The following MACROD2 variants were observed in gnomAD, a reference collection of about 807,000 sequenced individuals.
The protein encoded by MACROD2 is ADP-ribose glycohydrolase MACROD2.
MACROD2 carries 36 observed loss-of-function variants against 70.4 expected under a neutral mutation model. The observed-to-expected ratio is 0.51, with a 90% CI of 0.39 to 0.68. MACROD2 has a LOEUF of 0.68. Ranked by LOEUF, MACROD2 falls within the 30% of genes least tolerant of loss-of-function variation. The pLI is 0.00. For synonymous variants in MACROD2, 172 were observed against 178.8 expected, an observed-to-expected ratio of 0.96 and a Z score of 0.30; for missense variants, 496 against 538.4, an observed-to-expected ratio of 0.92 and a Z score of 0.78.
At chr20:14,227,385 C>T (rs1448945979) in intron 3 of MACROD2, among the ~76,000 whole-genome samples, 2 of 152,164 alleles carry the variant, frequency 1.3e-5, no homozygotes, top group African/African-American at 2.4e-5. Flanking sequence ...TCCACGCTAC[C>T]TTTATGAGAT....
chr20:15,732,377 G>A (rs1263991845), intron 8 of MACROD2, among the ~76,000 whole-genome samples: 1 of 152,110 alleles, frequency 6.6e-6, no homozygotes. Context: ...GTCACCTAGG[G>A]TTTCCTAGGA....
chr20:15,786,594 A>G (rs2051931247), intron 8 of MACROD2, among the ~76,000 whole-genome samples: 1 of 152,222 alleles, frequency 6.6e-6, no homozygotes, highest in Non-Finnish European at 1.5e-5. Context: ...TTTGAATAGA[A>G]AGTCAAATAA....
At chr20:14,545,236 T>C (rs1649667306) in intron 4 of MACROD2, among the ~76,000 whole-genome samples, 1 of 152,198 alleles carries the variant, frequency 6.6e-6, no homozygotes, top group Admixed American at 6.5e-5. Flanking sequence ...TGAATCATTT[T>C]ATTGGGCACA....
chr20:15,250,242 G>A (rs978320753), intron 6 of MACROD2, among the ~76,000 whole-genome samples: 2 of 152,172 alleles, frequency 1.3e-5, no homozygotes, highest in African/African-American at 2.4e-5. Context: ...ATGAGTCTCT[G>A]ATTAGTGTTT....
intron 2 of MACROD2, among the ~76,000 whole-genome samples, chr20:14,080,674 C>G (rs1165092249): frequency 7.6e-6 from 1 of 131,884 alleles, no homozygotes; most frequent in African/African-American, 2.5e-5. Flanking sequence ...TTATTAAATT[C>G]TAGTCCTGTT....
chr20:14,787,463 C>T (rs1017916081), intron 5 of MACROD2, among the ~76,000 whole-genome samples: 1 of 151,980 alleles, frequency 6.6e-6, no homozygotes, highest in Non-Finnish European at 1.5e-5. Context: ...GAAGTCAGAG[C>T]GAAGGTAAGT....
intron 5 of MACROD2, among the ~76,000 whole-genome samples, chr20:14,836,883 T>C (rs2122255871): frequency 6.6e-6 from 1 of 152,198 alleles, no homozygotes; most frequent in East Asian, 1.9e-4. Flanking sequence ...CATATGCCAA[T>C]TGATAACAAA....
At chr20:14,313,615 T>A (rs2082587387) in intron 3 of MACROD2, among the ~76,000 whole-genome samples, 1 of 152,198 alleles carries the variant, frequency 6.6e-6, no homozygotes, top group Non-Finnish European at 1.5e-5. Context: ...TTCTTCTAGG[T>A]AAGACTATTG....
At chr20:15,039,049 C>G (rs2075335394) in intron 5 of MACROD2, among the ~76,000 whole-genome samples, 1 of 152,014 alleles carries the variant, frequency 6.6e-6, no homozygotes, top group African/African-American at 2.4e-5. Context: ...TAACAAAGGA[C>G]CTAATAGGAG....
intron 4 of MACROD2, among the ~76,000 whole-genome samples, chr20:14,600,589 C>T (rs879258406): frequency 2.6e-5 from 4 of 151,874 alleles, no homozygotes; most frequent in Non-Finnish European, 5.9e-5. Flanking sequence ...TAATTAACAC[C>T]AAGACATTGT....
At chr20:15,654,968 C>T (rs1018953350) in intron 8 of MACROD2, among the ~76,000 whole-genome samples, 5 of 152,062 alleles carry the variant, frequency 3.3e-5, no homozygotes, top group African/African-American at 9.7e-5. Context: ...AGGTGGAGGC[C>T]GCATATGATT....
At position 15,518,005 on chromosome 20, in the gene MACROD2, A is replaced by T. The variant is rs2047594489; in HGVS notation, c.645+18158A>T. On this transcript the variant is annotated intron_variant, in intron 8 of 17. Coordinates refer to ENST00000684519, the MANE Select transcript of MACROD2 (RefSeq NM_001351661.2). ...ACAGACCATCAAAAGTCTGGAAATG[A>T]ATAGAGCTGGCAACAGACATTCTTT... Among the ~76,000 whole-genome samples, 4 of 152,246 alleles carry T rather than the reference A, an allele frequency of 2.6e-5. No homozygotes were observed. The South Asian group carries it at 8.3e-4, about 31-fold the overall frequency.
chr20:14,714,280 G>T (rs1408892135), intron 5 of MACROD2, among the ~76,000 whole-genome samples: 1 of 152,022 alleles, frequency 6.6e-6, no homozygotes, highest in Non-Finnish European at 1.5e-5. Context: ...TGTCCATCCT[G>T]CATTGGGCCA....
intron 3 of MACROD2, among the ~76,000 whole-genome samples, chr20:14,215,333 TATATACAC>T (rs1220282870): frequency 7.3e-5 from 7 of 96,322 alleles, no homozygotes; most frequent in African/African-American, 2.3e-4. Flanking sequence ...TATGCCATCA[TATATACAC>T]ACACACACAC....
chr20:15,049,031 G>GA (rs1271323236), intron 5 of MACROD2, among the ~76,000 whole-genome samples: 3 of 150,340 alleles, frequency 2.0e-5, no homozygotes, highest in Non-Finnish European at 3.0e-5. Context: ...ATTTTTCTTT[G>GA]AAAAAATGAA....
At chr20:15,572,332 T>C (rs1163271754) in intron 8 of MACROD2, among the ~76,000 whole-genome samples, 1 of 152,112 alleles carries the variant, frequency 6.6e-6, no homozygotes, top group Non-Finnish European at 1.5e-5. Flanking sequence ...AAATTTGCAA[T>C]GAAACCTGTT....
intron 5 of MACROD2, among the ~76,000 whole-genome samples, 159 bp from the exon 6 acceptor site, chr20:15,229,781 G>T (rs945794696): frequency 6.6e-5 from 10 of 152,256 alleles, no homozygotes; most frequent in African/African-American, 2.4e-4. Context: ...TGCTACTTAA[G>T]ATCTTCTACC....
intron 8 of MACROD2, among the ~76,000 whole-genome samples, chr20:15,551,284 C>T (rs2048092141): frequency 6.6e-6 from 1 of 151,486 alleles, no homozygotes; most frequent in African/African-American, 2.4e-5. Context: ...TCTCAGCAGG[C>T]TCTCCTATTT....
At chr20:14,296,704 T>C (rs2122471416) in intron 3 of MACROD2, among the ~76,000 whole-genome samples, 1 of 152,156 alleles carries the variant, frequency 6.6e-6, no homozygotes, top group Admixed American at 6.5e-5. Context: ...TCAAAGATTG[T>C]AATTACAAAG....
Sources: gnomAD v4.1 joint callset for allele counts (sites outside exome capture counted in the v4.1 genomes callset) on GRCh38, gnomAD v4.1.1 for gene constraint, MANE v1.5 for transcripts, NCBI Gene and HGNC (gene_info 2026-07-23, HGNC 2026-07-21) for gene names.